The following COMMD1 variants were observed in gnomAD, a reference collection of about 807,000 sequenced individuals.
The protein encoded by COMMD1 is COMM domain-containing protein 1.
A neutral mutation model predicts 17.2 loss-of-function variants in COMMD1; 10 were observed. The ratio of observed to expected loss-of-function variants is 0.58; its 90% CI spans 0.36 to 0.99. The LOEUF is 0.99. COMMD1 is among the 50% of genes least tolerant of loss of function. The pLI is 0.01. For synonymous variants in COMMD1, 97 were observed against 91.6 expected (o/e 1.06, Z -0.34); for missense variants, 270 against 231.8 (o/e 1.17, Z -1.07).
chr2:62,133,968 T>C (rs1673115917), intron 2 of COMMD1, among the ~76,000 whole-genome samples: 1 of 152,162 alleles, frequency 6.6e-6, no homozygotes, highest in South Asian at 2.1e-4. Flanking sequence ...TTTTAAATTT[T>C]TTATTTTTTA....
At chr2:62,035,205 TAAAGAA>T (rs1553382023) in intron 2 of COMMD1, among the ~76,000 whole-genome samples, 2 of 152,198 alleles carry the variant, frequency 1.3e-5, no homozygotes, top group Non-Finnish European at 2.9e-5. Context: ...TACTGATACT[TAAAGAA>T]AAGAAATGGC....
intron 1 of COMMD1, among the ~76,000 whole-genome samples, chr2:61,986,816 G>A (rs1171447072): frequency 3.3e-5 from 5 of 151,980 alleles, no homozygotes; most frequent in South Asian, 2.1e-4. Flanking sequence ...CAATCTGCCT[G>A]CCTTGGCCTC....
At chr2:61,938,300 G>C (rs544020580) in intron 1 of COMMD1, among the ~76,000 whole-genome samples, 1 of 151,664 alleles carries the variant, frequency 6.6e-6, no homozygotes, top group East Asian at 1.9e-4. Flanking sequence ...AAAAAATGGT[G>C]AGGTATGATC....
At chr2:62,092,266 C>T (rs566139492) in intron 2 of COMMD1, among the ~76,000 whole-genome samples, 1 of 152,300 alleles carries the variant, frequency 6.6e-6, no homozygotes, top group Admixed American at 6.5e-5. Context: ...TCAGTTAAAA[C>T]ATTCAGGGTT....
At chr2:62,048,301 G>A (rs1670439541) in intron 2 of COMMD1, among the ~76,000 whole-genome samples, 1 of 150,890 alleles carries the variant, frequency 6.6e-6, no homozygotes, top group Non-Finnish European at 1.5e-5. Flanking sequence ...TCCTGCCTCA[G>A]CCTTCAGAGT....
chr2:62,109,116 A>T (rs1336927993), intron 2 of COMMD1, among the ~76,000 whole-genome samples: 2 of 152,218 alleles, frequency 1.3e-5, no homozygotes, highest in East Asian at 3.8e-4. Context: ...AGAGATTATC[A>T]AGGTGCTTGA....
rs36006181 is a variant in COMMD1, at chr2:62,085,221, A to ATTTTTTTTTTTT, written c.463-50607_463-50596dup. 2.7e-3 allele frequency among the ~76,000 whole-genome samples: 389 copies of ATTTTTTTTTTTT among 144,336 alleles called. 11 individuals are homozygous for ATTTTTTTTTTTT. The highest frequency in any genetic ancestry group is 0.016 in the Admixed American group (224 of 14,396). 94.7% of individuals were successfully genotyped at this position (144,336 alleles called of 152,430 possible). On this transcript the variant is annotated intron_variant, in intron 2 of 2. Transcript: ENST00000311832. ...AACTATAAGGATTGTTACAGTTTGA[A>ATTTTTTTTTTTT]TTTTTTTTTTTTTTGAGACGGAGCC... is the stretch of plus-strand genomic sequence containing the variant.
chr2:62,000,334 G>A (rs1313649907), intron 1 of COMMD1, among the ~76,000 whole-genome samples: 4 of 149,386 alleles, frequency 2.7e-5, no homozygotes, highest in Admixed American at 6.7e-5. Context: ...GTGCAGTGGC[G>A]CAATTTTGGC....
chr2:61,903,932 A>G (rs773874629), upstream of COMMD1, among the ~76,000 whole-genome samples: 5 of 152,238 alleles, frequency 3.3e-5, no homozygotes, highest in Admixed American at 2.0e-4. Context: ...GTACGTTCAT[A>G]AAGGTGAAAA....
At chr2:62,111,851 AGTCCCTTT>A (rs1422487157) in intron 2 of COMMD1, among the ~76,000 whole-genome samples, 1 of 152,170 alleles carries the variant, frequency 6.6e-6, no homozygotes, top group African/African-American at 2.4e-5. Flanking sequence ...AATACTTTCA[AGTCCCTTT>A]AGTTCAGAGC....
At chr2:61,972,615 T>A (rs1671680158) in intron 1 of COMMD1, among the ~76,000 whole-genome samples, 1 of 152,204 alleles carries the variant, frequency 6.6e-6, no homozygotes, top group Admixed American at 6.5e-5. Flanking sequence ...GGGATGAGAA[T>A]GGCACTTTAT....
At chr2:62,044,558 T>A (rs1008203954) in intron 2 of COMMD1, among the ~76,000 whole-genome samples, 5 of 152,214 alleles carry the variant, frequency 3.3e-5, no homozygotes, top group African/African-American at 1.2e-4. Context: ...ATAGTGCCTT[T>A]CCTCCAAAAA....
intron 2 of COMMD1, among the ~76,000 whole-genome samples, chr2:62,105,125 CAAAAAAAAAAAAAG>C (rs1215793021): frequency 1.2e-5 from 1 of 82,280 alleles, no homozygotes; most frequent in Non-Finnish European, 2.5e-5. Context: ...AACTCTGTCT[CAAAAAAAAAAAAAG>C]AAAAAGAAAA....
At chr2:62,040,793 T>G (rs1209830714) in intron 2 of COMMD1, among the ~76,000 whole-genome samples, 5 of 151,532 alleles carry the variant, frequency 3.3e-5, no homozygotes, top group Non-Finnish European at 7.4e-5. Context: ...TCACTGCAAC[T>G]TCTGCCTCCT....
At chr2:62,072,475 G>C (rs1671223327) in intron 2 of COMMD1, among the ~76,000 whole-genome samples, 1 of 152,162 alleles carries the variant, frequency 6.6e-6, no homozygotes, top group South Asian at 2.1e-4. Context: ...GAGCTGTTCT[G>C]TCACTCAGTA....
chr2:62,059,998 T>C (rs1239421637), intron 2 of COMMD1, among the ~76,000 whole-genome samples: 4 of 152,196 alleles, frequency 2.6e-5, no homozygotes, highest in Non-Finnish European at 5.9e-5. Flanking sequence ...CATCTTTCTT[T>C]AGGATTGCAC....
chr2:62,004,933 T>G (rs771538367), intron 2 of COMMD1, among the ~76,000 whole-genome samples: 48 of 152,180 alleles, frequency 3.2e-4, no homozygotes, highest in Non-Finnish European at 4.0e-4. Context: ...GTGACCAGGT[T>G]TTTGTTGAAC....
intron 2 of COMMD1, among the ~76,000 whole-genome samples, chr2:62,047,745 G>A (rs570590078): frequency 2.6e-4 from 39 of 152,214 alleles, no homozygotes; most frequent in Non-Finnish European, 4.9e-4. Context: ...GAGCCACTTC[G>A]CCTGGCCGGT....
At chr2:61,961,614 A>G (rs996781662) in intron 1 of COMMD1, among the ~76,000 whole-genome samples, 1 of 152,184 alleles carries the variant, frequency 6.6e-6, no homozygotes, top group East Asian at 1.9e-4. Flanking sequence ...TTTTTGTATA[A>G]TTTATTGGAT....
Sources: gnomAD v4.1 joint callset for allele counts (sites outside exome capture counted in the v4.1 genomes callset) on GRCh38, gnomAD v4.1.1 for gene constraint, MANE v1.5 for transcripts, NCBI Gene and HGNC (gene_info 2026-07-23, HGNC 2026-07-21) for gene names.